The following TBC1D8 variants were observed in gnomAD, a reference collection of about 807,000 sequenced individuals.
TBC1D8 encodes TBC1 domain family member 8, also known as BUB2-like protein 1.
In TBC1D8, 65 loss-of-function variants were observed where a neutral mutation model predicts 118.8. The ratio of observed to expected loss-of-function variants is 0.55; its 90% CI spans 0.45 to 0.67. The LOEUF (loss-of-function observed/expected upper bound fraction) is 0.67, where lower values mean the gene tolerates loss of function less well. TBC1D8 is among the 30% of genes least tolerant of loss of function. TBC1D8 has a pLI of 0.00. For synonymous variants in TBC1D8, 566 were observed against 595.8 expected (o/e 0.95, Z 0.73); for missense variants, 1,376 against 1,471.2 (o/e 0.94, Z 1.06).
chr2:101,058,188 C>T (rs1682549767), intron 3 of TBC1D8, among the ~76,000 whole-genome samples: 1 of 152,184 alleles, frequency 6.6e-6, no homozygotes, highest in Admixed American at 6.5e-5. Context: ...AGCCCACCCC[C>T]TAACCCCACA....
intron 1 of TBC1D8, among the ~76,000 whole-genome samples, chr2:101,147,201 T>C (rs1359078627): frequency 6.7e-6 from 1 of 148,310 alleles, no homozygotes; most frequent in Admixed American, 6.9e-5. Flanking sequence ...ATCTCACATT[T>C]TCCTTATTTA....
intron 1 of TBC1D8, among the ~76,000 whole-genome samples, chr2:101,137,679 G>C (rs62152494): frequency 0.048 from 7,253 of 152,222 alleles, 251 homozygotes; most frequent in Non-Finnish European, 0.072. Context: ...ATACATCTAA[G>C]CTGAGAAACA....
chr2:101,034,016 T>G (rs1680843207), intron 9 of TBC1D8, among the ~76,000 whole-genome samples: 1 of 151,934 alleles, frequency 6.6e-6, no homozygotes, highest in Non-Finnish European at 1.5e-5. Flanking sequence ...ATACAAAAAT[T>G]AGCCAGGCAT....
chr2:101,040,000 G>A (rs991227046), intron 6 of TBC1D8, among the ~76,000 whole-genome samples, 178 bp downstream of exon 6: 1 of 152,126 alleles, frequency 6.6e-6, no homozygotes, highest in African/African-American at 2.4e-5. Context: ...GGCCGAATGG[G>A]TAATGGTCCA....
At chr2:101,079,020 C>G (rs944889643) in intron 2 of TBC1D8, among the ~76,000 whole-genome samples, 4 of 152,156 alleles carry the variant, frequency 2.6e-5, no homozygotes, top group African/African-American at 9.7e-5. Flanking sequence ...CCAGAGTAGG[C>G]AGGCAACACA....
chr2:101,040,492 C>A (rs982756382), intron 5 of TBC1D8, 107 bp from the exon 6 acceptor site: 12 of 1,177,280 alleles, frequency 1.0e-5, no homozygotes, highest in African/African-American at 1.5e-5. Context: ...ATTTTTGAGA[C>A]AGAGTCTCGC....
At chr2:101,038,719 G>A in intron 6 of TBC1D8, 64 bp from the exon 7 acceptor site, 2 of 1,560,548 alleles carry the variant, frequency 1.3e-6, no homozygotes, top group Non-Finnish European at 1.8e-6. Flanking sequence ...TATTACATAT[G>A]CAGAAGATGT....
intron 17 of TBC1D8, chr2:101,018,922 C>T: frequency 1.3e-6 from 2 of 1,561,890 alleles, no homozygotes. Context: ...CTGTTGATGT[C>T]CTAATCTTCT....
intron 1 of TBC1D8, among the ~76,000 whole-genome samples, chr2:101,144,672 C>G (rs1008987112): frequency 6.6e-6 from 1 of 152,336 alleles, no homozygotes; most frequent in East Asian, 1.9e-4. Context: ...CGCGGTGGCT[C>G]ACGCCTGTAA....
At chr2:101,132,010 C>T (rs1245816843) in intron 1 of TBC1D8, among the ~76,000 whole-genome samples, 1 of 152,162 alleles carries the variant, frequency 6.6e-6, no homozygotes, top group Non-Finnish European at 1.5e-5. Flanking sequence ...TAGACGGGTG[C>T]TTCCAGATTC....
At chr2:101,031,832 C>T (rs892394922) in intron 11 of TBC1D8, among the ~76,000 whole-genome samples, 1 of 152,030 alleles carries the variant, frequency 6.6e-6, no homozygotes, top group Non-Finnish European at 1.5e-5. Context: ...CTAGGGCAAC[C>T]GAGGGCCTCC....
chr2:101,101,352 A>G (rs1293351920), intron 1 of TBC1D8, among the ~76,000 whole-genome samples: 2 of 152,230 alleles, frequency 1.3e-5, no homozygotes, highest in Non-Finnish European at 2.9e-5. Flanking sequence ...ATGAGATACC[A>G]TCTCACGCCA....
At chr2:101,018,069 T>A in intron 17 of TBC1D8, 1 of 803,054 alleles carries the variant, frequency 1.2e-6, no homozygotes, top group Non-Finnish European at 1.9e-6. Flanking sequence ...GTTGACAATC[T>A]AGGCTAATGG....
chr2:101,124,302 T>C (rs1487717945), intron 1 of TBC1D8, among the ~76,000 whole-genome samples: 1 of 152,204 alleles, frequency 6.6e-6, no homozygotes, highest in Non-Finnish European at 1.5e-5. Flanking sequence ...CATGATTACA[T>C]AGGGCATCTA....
intron 1 of TBC1D8, among the ~76,000 whole-genome samples, chr2:101,145,443 C>G (rs1222599601): frequency 2.0e-5 from 3 of 152,212 alleles, no homozygotes; most frequent in Non-Finnish European, 4.4e-5. Flanking sequence ...TAGAATGCAA[C>G]AGGCTGCCCT....
chr2:101,023,672 A>G, intron 15 of TBC1D8: 1 of 420,220 alleles, frequency 2.4e-6, no homozygotes, highest in Non-Finnish European at 4.8e-6. Flanking sequence ...CTGAAAACTA[A>G]CAAAACCGGC....
chr2:101,066,791 G>T (rs147966344), intron 2 of TBC1D8, among the ~76,000 whole-genome samples: 10 of 151,968 alleles, frequency 6.6e-5, no homozygotes, highest in Admixed American at 2.0e-4. Flanking sequence ...TTAAAAATAC[G>T]AAAGTTAGCC....
chr2:101,112,053 C>T (rs1677622076), intron 1 of TBC1D8, among the ~76,000 whole-genome samples: 1 of 152,150 alleles, frequency 6.6e-6, no homozygotes, highest in Non-Finnish European at 1.5e-5. Context: ...CACAGATGTG[C>T]TCTGGGTCCA....
chr2:101,021,789 AG>A (rs1334642854), intron 16 of TBC1D8, 43 bp from the exon 17 acceptor site: 3 of 1,294,838 alleles, frequency 2.3e-6, no homozygotes, highest in African/African-American at 1.5e-5. Flanking sequence ...CAATGCTGAA[AG>A]TCCATTTGTC....
Sources: allele counts gnomAD v4.1 joint callset (sites outside exome capture counted in the v4.1 genomes callset), GRCh38; gene constraint gnomAD v4.1.1; transcripts MANE v1.5; gene names NCBI Gene and HGNC (gene_info 2026-07-23, HGNC 2026-07-21).